The following LRRC45 variants were observed in gnomAD, a reference collection of about 807,000 sequenced individuals.
The protein encoded by LRRC45 is leucine-rich repeat-containing protein 45.
A neutral mutation model predicts 85.4 loss-of-function variants in LRRC45; 73 were observed. That is an observed-to-expected ratio of 0.85 (90% CI 0.71 to 1.04). The LOEUF (loss-of-function observed/expected upper bound fraction) is 1.04. Among genes scored for constraint, LRRC45 ranks in the 50% least tolerant of loss-of-function variants. The pLI is 0.00. For synonymous variants in LRRC45, 429 were observed against 386.0 expected (o/e 1.11, Z -1.31); for missense variants, 937 against 883.3 (o/e 1.06, Z -0.77).
At position 82,027,205 on chromosome 17, in the gene LRRC45, G is replaced by A. The variant is rs186746338; in HGVS notation, c.775-181G>A. The stretch of plus-strand genomic sequence containing the variant: ...AGGTGGACTTCCTTGGGGAGCTGGC[G>A]TCTGAGCCCTGAGGCCTCGCTCTGC... On this transcript the variant is annotated intron_variant, in intron 6 of 16. Coordinates refer to ENST00000306688, the MANE Select transcript of LRRC45 (RefSeq NM_144999.4). Among the ~76,000 whole-genome samples the A allele has an allele frequency of 2.7e-3, 417 of 152,318 alleles. 2 individuals carry two copies. Among genetic ancestry groups the A allele is most frequent in the African/African-American group, 9.4e-3 (390 of 41,572 alleles).
rs753739520 is a variant in LRRC45, at chr17:82,028,093, G to A, written c.994G>A (p.Glu332Lys). 1.4e-5 allele frequency: 22 copies of A among 1,584,026 alleles called. No homozygotes were observed. In the Admixed American group the frequency reaches 1.5e-4, roughly 10 times the overall value. The change falls in exon 9 of 17, where the codon GAG becomes AAG. Residue 332 changes from glutamate (E) to lysine (K), a missense_variant. By Grantham distance (56) the Glu-to-Lys change is moderately conservative (BLOSUM62 1). Coordinates refer to ENST00000306688, the MANE Select transcript of LRRC45 (RefSeq NM_144999.4). ...LGELLATAEQ[E>K]QLSLSQRQAK... ...GGAGCTCCTGGCCACAGCGGAGCAG[G>A]AGCAGCTGAGCCTGTCACAGAGGCA...
Position 82,023,846 on chromosome 17 carries a change from G to A in LRRC45, c.203G>A (p.Cys68Tyr), listed in dbSNP as rs1483227637. The A allele has an allele frequency of 2.6e-6, 4 of 1,561,386 alleles. No individual in the cohort carries two copies. The highest frequency in any genetic ancestry group is 2.6e-6 in the Non-Finnish European group (3 of 1,155,152). Residue 68 changes from cysteine to tyrosine, a missense_variant, in exon 1 of 17, where the codon TGC (cysteine) becomes TAC (tyrosine). Coordinates refer to ENST00000306688, the MANE Select transcript of LRRC45 (RefSeq NM_144999.4). ...TLCTELVLSD[C>Y]MLSEEGATLL... ...TGCACGGAGCTGGTCCTGAGTGACT[G>A]CATGCTCAGCGAGGAAGGTGGGCAG...
Position 82,028,077 on chromosome 17 carries a change from G to C in LRRC45, c.978G>C (p.Leu326=), listed in dbSNP as rs1250199384. 1 of 1,595,082 alleles carries C rather than the reference G, an allele frequency of 6.3e-7. No homozygotes were observed. The highest frequency in any genetic ancestry group is 8.5e-7 in the Non-Finnish European group (1 of 1,172,562). ...EQKAQDLGEL[L]ATAEQEQLSL... ...AGGCCCAGGACCTGGGGGAGCTCCT[G>C]GCCACAGCGGAGCAGGAGCAGCTGA... Residue 326 remains leucine, a synonymous_variant, in exon 9 of 17, where the codon CTG becomes CTC. Transcript: ENST00000306688.
At chr17:82,029,787 C>A in intron 14 of LRRC45, 152 bp downstream of exon 14, 1 of 848,386 alleles carries the variant, frequency 1.2e-6, no homozygotes, top group Non-Finnish European at 1.9e-6. Flanking sequence ...GGGTCCGCTT[C>A]AGCCTTGGAT....
At position 82,026,884 on chromosome 17, in the gene LRRC45, C is replaced by G; in HGVS notation, c.662-15C>G. 6.3e-7 allele frequency: 1 copy of G among 1,590,370 alleles called. No homozygotes were observed. The highest frequency in any genetic ancestry group is 8.5e-7 in the Non-Finnish European group (1 of 1,171,850). ...CATGAGCCCCTGTGCCCAGCTGACA[C>G]AGCTCCTTCTGCAGAGCAAGCCATG... On this transcript the variant is annotated splice_polypyrimidine_tract_variant and intron_variant, in intron 5 of 16. Transcript: ENST00000306688.
intron 6 of LRRC45, 46 bp downstream of exon 6, chr17:82,027,057 G>A: frequency 6.8e-7 from 1 of 1,478,554 alleles, no homozygotes. Context: ...TATGGCTGGA[G>A]GGCCTGGCCA....
chr17:82,027,274 A>T lies in LRRC45; in HGVS notation c.775-112A>T. 2.2e-6 allele frequency: 3 copies of T among 1,357,738 alleles called. No individual in the cohort carries two copies. The South Asian group carries it at 3.6e-5, about 16-fold the overall frequency. 84.1% of individuals were successfully genotyped at this position (1,357,738 alleles called of 1,614,324 possible). A position where few individuals can be genotyped will look rare whatever the true frequency, so the allele number is the denominator to read the frequency against. ...GAAGGAGACAGGGCACCGTGGGTGGAACCCTCCGCTGCCTTGCCACATTGG... is the reference window on the plus strand; with the variant it reads ...GAAGGAGACAGGGCACCGTGGGTGGTACCCTCCGCTGCCTTGCCACATTGG... On this transcript the variant is annotated intron_variant, in intron 6 of 16. Transcript: ENST00000306688.
intron 3 of LRRC45, 43 bp from the exon 4 acceptor site, chr17:82,024,957 A>T (rs1014418824): frequency 2.0e-6 from 3 of 1,502,142 alleles, no homozygotes; most frequent in Non-Finnish European, 8.9e-7. Flanking sequence ...CCCACGGGCT[A>T]GGCAGTCCCC....
rs1255462897 is a variant in LRRC45 at position 82,023,544 on chromosome 17, C to T, written c.-100C>T. 8.9e-7 allele frequency: 1 copy of T among 1,125,580 alleles called. No individual in the cohort carries two copies. Among genetic ancestry groups the T allele is most frequent in the Non-Finnish European group, 1.2e-6 (1 of 824,720 alleles). The allele number at this position is 1,125,580 out of a possible 1,614,324, so 69.7% of individuals were successfully genotyped here. ...GCTCTCCGCCCGGGTCGGCGGAGGCCCCGTCTCCTGTACCCGGCGCTGGGA... is the reference window on the plus strand; with the variant it reads ...GCTCTCCGCCCGGGTCGGCGGAGGCTCCGTCTCCTGTACCCGGCGCTGGGA... On this transcript the variant is annotated 5_prime_UTR_variant, in exon 1 of 17. Coordinates refer to ENST00000306688, the MANE Select transcript of LRRC45 (RefSeq NM_144999.4).
intron 3 of LRRC45, 61 bp downstream of exon 3, chr17:82,024,824 C>A: frequency 7.9e-6 from 12 of 1,514,988 alleles, no homozygotes; most frequent in Non-Finnish European, 1.1e-5. Context: ...GCCCCGAGCA[C>A]ATGCTTCTGC....
Position 82,023,575 on chromosome 17 carries a change from C to G in LRRC45, c.-69C>G, listed in dbSNP as rs891040702. The G allele has an allele frequency of 5.2e-5, 73 of 1,398,650 alleles. No homozygotes were observed. The highest frequency in any genetic ancestry group is 6.0e-5 in the Non-Finnish European group (63 of 1,053,420). The allele number at this position is 1,398,650 out of a possible 1,614,324, so 86.6% of individuals were successfully genotyped here. A position where few individuals can be genotyped will look rare whatever the true frequency, so the allele number is the denominator to read the frequency against. On this transcript the variant is annotated 5_prime_UTR_variant, in exon 1 of 17. Coordinates refer to ENST00000306688, the MANE Select transcript of LRRC45 (RefSeq NM_144999.4). ...TCCTGTACCCGGCGCTGGGACTGCT[C>G]CGCACCGCGCGGCTCCCTTTCAGCA...
At chr17:82,024,165 C>T (rs2043343477) in intron 1 of LRRC45, 113 bp from the exon 2 acceptor site, 1 of 1,251,380 alleles carries the variant, frequency 8.0e-7, no homozygotes, top group Middle Eastern at 2.0e-4. Flanking sequence ...CAACCCAGAC[C>T]ATCGGGACAG....
chr17:82,024,696 A>T lies in LRRC45; in HGVS notation c.286A>T (p.Asn96Tyr), dbSNP rs770851631. ...TACCGGCCTGTTTCTCTCCTAGGGC[A>T]ACAACCTTCGGGCTGCAGGGGCCGA... The part of the protein sequence containing the change: ...TVLRFLDLKG[N>Y]NLRAAGAEAL... Residue 96 changes from asparagine (N) to tyrosine (Y), a missense_variant, in exon 3 of 17, where the codon AAC (asparagine) becomes TAC (tyrosine). Transcript: ENST00000306688. 2.5e-6 allele frequency: 4 copies of T among 1,572,182 alleles called. No individual in the cohort carries two copies. Among genetic ancestry groups the T allele is most frequent in the Non-Finnish European group, 3.4e-6 (4 of 1,162,994 alleles).
chr17:82,023,651 A>G lies in LRRC45; in HGVS notation c.8A>G (p.Glu3Gly), dbSNP rs1234392428. Residue 3 changes from glutamate to glycine, a missense_variant, in exon 1 of 17, where the codon GAG (glutamate) becomes GGG (glycine). Coordinates refer to ENST00000306688, the MANE Select transcript of LRRC45 (RefSeq NM_144999.4). ...CTGCCGGCCCCGCGGGTCATGGAGG[A>G]GTTCCGGCGCTCCTACAGCCGCCTG... MEEFRRSYSRLCR... is the reference protein window; with the variant it reads MEGFRRSYSRLCR... 2 of 1,537,392 alleles carry G rather than the reference A, an allele frequency of 1.3e-6. No individual in the cohort carries two copies. Among genetic ancestry groups the G allele is most frequent in the Non-Finnish European group, 1.7e-6 (2 of 1,147,104 alleles).
At position 82,028,654 on chromosome 17, in the gene LRRC45, G is replaced by A; in HGVS notation, c.1279G>A (p.Glu427Lys). 6.2e-7 allele frequency: 1 copy of A among 1,612,918 alleles called. No homozygotes were observed. The highest frequency in any genetic ancestry group is 8.5e-7 in the Non-Finnish European group (1 of 1,179,926). The change falls in exon 12 of 17, where the codon GAG becomes AAG. Residue 427 changes from glutamate (E) to lysine (K), a missense_variant. Transcript: ENST00000306688. ...MEKRRCRQSL[E>K]DSESLRIKEV... The stretch of plus-strand genomic sequence containing the variant: ...GAAGAGAAGATGCAGACAGAGCCTG[G>A]AGGACTCCGAAAGCCTGCGCATCAA...
rs1367352465 is a variant in LRRC45, at chr17:82,028,217, C to T, written c.1048-17C>T. On this transcript the variant is annotated splice_polypyrimidine_tract_variant and intron_variant, in intron 9 of 16. Transcript: ENST00000306688. ...GGCTTCGTGACCCTCACTACCCATA[C>T]CCCGTTCCCCTCCCAGGAAGCTGCA... 1 of 1,565,466 alleles carries T rather than the reference C, an allele frequency of 6.4e-7. No homozygotes were observed. Among genetic ancestry groups the T allele is most frequent in the Admixed American group, 1.9e-5 (1 of 52,542 alleles).
rs969840420 is a variant in LRRC45, at chr17:82,031,078, G to T, written c.*273G>T. 3 of 377,622 alleles carry T rather than the reference G, an allele frequency of 7.9e-6. No homozygotes were observed. Among genetic ancestry groups the T allele is most frequent in the Non-Finnish European group, 1.4e-5 (3 of 212,632 alleles). 23.4% of individuals were successfully genotyped at this position (377,622 alleles called of 1,614,324 possible). A position where few individuals can be genotyped will look rare whatever the true frequency, so the allele number is the denominator to read the frequency against. On this transcript the variant is annotated 3_prime_UTR_variant, in exon 17 of 17. Coordinates refer to ENST00000306688, the MANE Select transcript of LRRC45 (RefSeq NM_144999.4). ...GGCGCGTCTCCCCCTCGCCTTTTGC[G>T]ATGTCACCGTGAACGCTGCGGCCGC...
intron 5 of LRRC45, 162 bp from the exon 6 acceptor site, chr17:82,026,737 C>T: frequency 3.8e-6 from 2 of 523,984 alleles, no homozygotes; most frequent in South Asian, 3.7e-5. Context: ...CGCTACCATG[C>T]CCAGCTACTT....
chr17:82,026,433 G>A (rs900719477), intron 5 of LRRC45, among the ~76,000 whole-genome samples: 1 of 152,172 alleles, frequency 6.6e-6, no homozygotes, highest in Non-Finnish European at 1.5e-5. Context: ...GCACTGAGGG[G>A]GCACCCCTGA....
Sources: gnomAD v4.1 joint callset for allele counts (sites outside exome capture counted in the v4.1 genomes callset) on GRCh38, gnomAD v4.1.1 for gene constraint, MANE v1.5 for transcripts, NCBI Gene and HGNC (gene_info 2026-07-23, HGNC 2026-07-21) for gene names.